Variants in ZNF723 observed in about 807,000 individuals in gnomAD.
ZNF723 encodes zinc finger protein 723, pseudogene.
A neutral mutation model predicts 9.4 loss-of-function variants in ZNF723; 5 were observed. The ratio of observed to expected loss-of-function variants is 0.53; its 90% CI spans 0.28 to 1.12. ZNF723 has a LOEUF of 1.12. Ranked by LOEUF, ZNF723 falls within the 50% of genes most tolerant of loss-of-function variation. ZNF723 has a pLI of 0.10. For synonymous variants in ZNF723, 158 were observed against 168.8 expected, an observed-to-expected ratio of 0.94 and a Z score of 0.49; for missense variants, 450 against 501.5, an observed-to-expected ratio of 0.90 and a Z score of 0.98.
intron 3 of ZNF723, among the ~76,000 whole-genome samples, chr19:22,850,436 AC>A (rs1967377712): frequency 6.7e-6 from 1 of 148,942 alleles, no homozygotes; most frequent in Non-Finnish European, 1.5e-5. Context: ...CAAACTCCTG[AC>A]ATCAGGTGAT....
At chr19:22,827,438 G>GTTTT (rs1555737909), upstream of ZNF723, among the ~76,000 whole-genome samples, 2 of 65,464 alleles carry the variant, frequency 3.1e-5, no homozygotes, top group African/African-American at 2.0e-4. Flanking sequence ...TTTTTTTTTT[G>GTTTT]TTTTTTTGTT....
chr19:22,832,404 TC>T, intron 1 of ZNF723, 22 bp downstream of exon 1: 1 of 1,366,010 alleles, frequency 7.3e-7, no homozygotes, highest in Non-Finnish European at 1.0e-6. Context: ...GGGTCCGACA[TC>T]CCGAGAGAGG....
chr19:22,847,899 G>A (rs1489028125), intron 1 of ZNF723, among the ~76,000 whole-genome samples: 1 of 151,894 alleles, frequency 6.6e-6, no homozygotes, highest in East Asian at 1.9e-4. Context: ...TCAGGAGTTC[G>A]AGACCAGCCT....
intron 1 of ZNF723, among the ~76,000 whole-genome samples, chr19:22,846,382 G>C (rs1967309916): frequency 6.6e-6 from 1 of 152,146 alleles, no homozygotes; most frequent in Non-Finnish European, 1.5e-5. Context: ...CAGCAGTTTG[G>C]GAGGCTGAGC....
intron 1 of ZNF723, among the ~76,000 whole-genome samples, chr19:22,843,258 A>C (rs566846372): frequency 1.3e-5 from 2 of 152,340 alleles, no homozygotes; most frequent in African/African-American, 4.8e-5. Flanking sequence ...GCCCAGGGTC[A>C]CTGGGAACTC....
the ZNF723 span, among the ~76,000 whole-genome samples, chr19:22,818,222 A>G: frequency 6.6e-6 from 1 of 151,934 alleles, no homozygotes; most frequent in East Asian, 2.0e-4. Context: ...ATATCATATA[A>G]ATTCATCAGG....
At chr19:22,836,223 G>A (rs747396396) in intron 1 of ZNF723, among the ~76,000 whole-genome samples, 22 of 152,096 alleles carry the variant, frequency 1.4e-4, no homozygotes, top group Non-Finnish European at 2.4e-4. Context: ...CTTTTATTCC[G>A]AGAGAAGCTA....
chr19:22,840,963 T>C (rs1342715500), intron 1 of ZNF723: 1 of 152,284 alleles, frequency 6.6e-6, no homozygotes, highest in African/African-American at 2.4e-5. Flanking sequence ...CTGTGGCAAT[T>C]GGGGTTCATG....
At chr19:22,854,645 T>G (rs35007403) in intron 3 of ZNF723, among the ~76,000 whole-genome samples, 31,947 of 152,076 alleles carry the variant, frequency 0.21, 3,983 homozygotes, top group African/African-American at 0.35. Context: ...TTCTTGTTTT[T>G]TTCATCTAAA....
chr19:22,833,267 C>T (rs947540611), intron 1 of ZNF723, among the ~76,000 whole-genome samples: 2 of 152,160 alleles, frequency 1.3e-5, no homozygotes, highest in South Asian at 2.1e-4. Flanking sequence ...ATTCTCCTGT[C>T]TCAGCTTCTT....
upstream of ZNF723, among the ~76,000 whole-genome samples, chr19:22,828,688 C>G (rs540590413): frequency 2.2e-4 from 33 of 152,042 alleles, no homozygotes; most frequent in East Asian, 3.5e-3. Context: ...TGGAGGCCAT[C>G]GTTCTAAACT....
intron 1 of ZNF723, among the ~76,000 whole-genome samples, chr19:22,843,265 ACT>A (rs1568405155): frequency 6.6e-6 from 1 of 152,126 alleles, no homozygotes; most frequent in Admixed American, 6.6e-5. Context: ...GTCACTGGGA[ACT>A]CTCACAATAA....
intron 3 of ZNF723, 99 bp from the exon 4 acceptor site, chr19:22,857,019 C>A: frequency 1.9e-6 from 1 of 524,300 alleles, no homozygotes; most frequent in Non-Finnish European, 3.4e-6. Flanking sequence ...TTTGCTATGC[C>A]ATCTTATGTA....
the ZNF723 span, among the ~76,000 whole-genome samples, chr19:22,825,188 G>A: frequency 6.6e-6 from 1 of 152,160 alleles, no homozygotes; most frequent in African/African-American, 2.4e-5. Context: ...ATCCACAGGT[G>A]GGGTAGTGAC....
intron 1 of ZNF723, 99 bp downstream of exon 1, chr19:22,832,481 C>G (rs574309579): frequency 1.2e-4 from 146 of 1,203,898 alleles, no homozygotes; most frequent in Middle Eastern, 2.0e-4. Context: ...GCTGTCAGCC[C>G]CACAATCTGC....
At chr19:22,816,106 A>G in the ZNF723 span, among the ~76,000 whole-genome samples, 1 of 152,236 alleles carries the variant, frequency 6.6e-6, no homozygotes, top group African/African-American at 2.4e-5. Context: ...ATGGGTCTAT[A>G]TGAGCACAAA....
chr19:22,857,012 G>A, intron 3 of ZNF723, 106 bp from the exon 4 acceptor site: 1 of 512,426 alleles, frequency 2.0e-6, no homozygotes, highest in Non-Finnish European at 3.4e-6. Context: ...ATGGTATTTT[G>A]CTATGCCATC....
the ZNF723 span, among the ~76,000 whole-genome samples, chr19:22,813,648 G>A: frequency 6.6e-6 from 1 of 151,758 alleles, no homozygotes; most frequent in South Asian, 2.1e-4. Context: ...GGCTGAGGCA[G>A]GAGAATTGCT....
rs1967491168 is a variant in ZNF723 at position 22,857,216 on chromosome 19, G to A, written c.325G>A (p.Asp109Asn). Residue 109 changes from aspartate (D) to asparagine (N), a missense_variant, in exon 4 of 4, where the codon GAC (aspartate) becomes AAC (asparagine). Transcript: ENST00000600766. ...ILRSYGKYGHDNLQLRKGCES... is the reference protein window; with the variant it reads ...ILRSYGKYGHNNLQLRKGCES... ...GAGAAGCTATGGAAAATATGGACAT[G>A]ACAATTTACAATTAAGAAAAGGCTG... 1.1e-6 allele frequency: 1 copy of A among 895,066 alleles called. No homozygotes were observed. 55.4% of individuals were successfully genotyped at this position (895,066 alleles called of 1,614,324 possible).
Sources: allele counts gnomAD v4.1 joint callset (sites outside exome capture counted in the v4.1 genomes callset), GRCh38; gene constraint gnomAD v4.1.1; transcripts MANE v1.5; gene names NCBI Gene and HGNC (gene_info 2026-07-23, HGNC 2026-07-21).